Variants in DIAPH2 observed in about 807,000 individuals in gnomAD.
DIAPH2 encodes the protein diaphanous related formin 2, also known as protein diaphanous homolog 2.
A neutral mutation model predicts 92.7 loss-of-function variants in DIAPH2; 35 were observed. That is an observed-to-expected ratio of 0.38 (90% CI 0.29 to 0.50). DIAPH2 has a LOEUF of 0.50. DIAPH2 is among the 20% of genes least tolerant of loss of function. The pLI is 0.94. For missense variants in DIAPH2, 701 were observed against 819.5 expected, an observed-to-expected ratio of 0.86 and a Z score of 1.77; for synonymous variants, 301 against 280.4, an observed-to-expected ratio of 1.07 and a Z score of -0.73.
At chrX:97,542,559 G>C (rs754441452) in intron 26 of DIAPH2, among the ~76,000 whole-genome samples, 1 of 112,158 alleles carries the variant, frequency 8.9e-6, no homozygotes, top group Non-Finnish European at 1.9e-5. Context: ...GCTCAGAAAA[G>C]GTAATTCACT....
At chrX:96,811,916 G>C (rs190280005) in intron 4 of DIAPH2, among the ~76,000 whole-genome samples, 1 of 111,752 alleles carries the variant, frequency 8.9e-6, no homozygotes, top group Non-Finnish European at 1.9e-5. Flanking sequence ...GCTGGATTCG[G>C]TTTGCCAGTA....
At chrX:97,345,925 G>A (rs1305080521) in intron 23 of DIAPH2, among the ~76,000 whole-genome samples, 1 of 111,234 alleles carries the variant, frequency 9.0e-6, no homozygotes, top group Non-Finnish European at 1.9e-5. Flanking sequence ...TTTCTAAGTT[G>A]TAAAAAAGGG....
intron 14 of DIAPH2, among the ~76,000 whole-genome samples, chrX:96,947,312 T>C (rs1307809928): frequency 9.0e-6 from 1 of 111,414 alleles, no homozygotes; most frequent in South Asian, 3.8e-4. Flanking sequence ...TAGAAGCACA[T>C]AGGAGAAGCT....
intron 26 of DIAPH2, among the ~76,000 whole-genome samples, chrX:97,527,739 G>A (rs2071033614): frequency 8.9e-6 from 1 of 112,098 alleles, no homozygotes. Flanking sequence ...GGTGCTTGAG[G>A]AAAAACAGGT....
At chrX:97,247,431 C>T (rs1406420683) in intron 22 of DIAPH2, among the ~76,000 whole-genome samples, 1 of 110,962 alleles carries the variant, frequency 9.0e-6, no homozygotes, top group African/African-American at 3.3e-5. Context: ...TTAGGAATTC[C>T]GTCAATAAAT....
chrX:97,389,632 G>A (rs138118964), intron 25 of DIAPH2, among the ~76,000 whole-genome samples: 226 of 111,128 alleles, frequency 2.0e-3, no homozygotes, highest in African/African-American at 7.3e-3. Flanking sequence ...TATTTTGATT[G>A]TGTCTAGTTG....
intron 26 of DIAPH2, among the ~76,000 whole-genome samples, chrX:97,537,545 T>C (rs2071105883): frequency 8.9e-6 from 1 of 111,784 alleles, no homozygotes; most frequent in South Asian, 3.8e-4. Context: ...TTCTTTGAGT[T>C]TGGGGTTGGC....
intron 22 of DIAPH2, among the ~76,000 whole-genome samples, chrX:97,187,369 G>T (rs1401043814): frequency 2.2e-5 from 2 of 89,533 alleles, no homozygotes; most frequent in African/African-American, 8.4e-5. Flanking sequence ...TCTGTCTCCC[G>T]GGTTCAAGTG....
chrX:97,006,886 T>G (rs894613536), intron 17 of DIAPH2, among the ~76,000 whole-genome samples: 2 of 111,080 alleles, frequency 1.8e-5, no homozygotes, highest in African/African-American at 6.5e-5. Context: ...AGAAGATGAT[T>G]GTCTCTGGTG....
chrX:97,570,224 C>CAT (rs1265662297), intron 26 of DIAPH2, among the ~76,000 whole-genome samples: 1 of 97,039 alleles, frequency 1.0e-5, no homozygotes, highest in Non-Finnish European at 2.1e-5. Flanking sequence ...CACACACACA[C>CAT]ATATATATAT....
chrX:96,887,585 T>C (rs185646606), intron 5 of DIAPH2, among the ~76,000 whole-genome samples: 1 of 111,836 alleles, frequency 8.9e-6, no homozygotes, highest in Admixed American at 9.5e-5. Context: ...TTTGAAAGTG[T>C]TTTCAAGGCC....
At chrX:96,818,644 G>A (rs942331204) in intron 4 of DIAPH2, among the ~76,000 whole-genome samples, 18 of 112,132 alleles carry the variant, frequency 1.6e-4, no homozygotes, top group Non-Finnish European at 3.0e-4. Flanking sequence ...TATTTTTATT[G>A]GACATATCCA....
At chrX:97,462,324 A>G (rs1389455580) in intron 26 of DIAPH2, among the ~76,000 whole-genome samples, 1 of 112,347 alleles carries the variant, frequency 8.9e-6, no homozygotes, top group East Asian at 2.8e-4. Flanking sequence ...AGTTCATATG[A>G]ATTAATTAAC....
chrX:97,461,555 C>G (rs968685192), intron 26 of DIAPH2, among the ~76,000 whole-genome samples: 1 of 111,325 alleles, frequency 9.0e-6, no homozygotes, highest in South Asian at 3.7e-4. Flanking sequence ...TATTGACAAG[C>G]CTGAAGAAAG....
intron 21 of DIAPH2, among the ~76,000 whole-genome samples, chrX:97,139,576 T>C (rs2067196253): frequency 9.1e-6 from 1 of 110,223 alleles, no homozygotes; most frequent in Admixed American, 9.8e-5. Context: ...AAGGGAATAT[T>C]ATGATTCTAA....
chrX:97,526,372 G>T (rs1191192700), intron 26 of DIAPH2, among the ~76,000 whole-genome samples: 1 of 109,631 alleles, frequency 9.1e-6, no homozygotes, highest in African/African-American at 3.3e-5. Context: ...AAATGCCACT[G>T]CTCTTGAAGT....
intron 17 of DIAPH2, among the ~76,000 whole-genome samples, chrX:96,981,396 T>G (rs1569271033): frequency 9.0e-6 from 1 of 111,679 alleles, no homozygotes; most frequent in East Asian, 2.8e-4. Context: ...TTTCTTTTTG[T>G]CTGTTTAAAA....
chrX:96,759,625 A>T (rs374209641), intron 4 of DIAPH2, among the ~76,000 whole-genome samples: 2 of 111,900 alleles, frequency 1.8e-5, no homozygotes, highest in East Asian at 2.8e-4. Flanking sequence ...CTAAAGGCTG[A>T]TACACTAGTA....
chrX:97,317,944 G>C (rs747458356), intron 23 of DIAPH2, among the ~76,000 whole-genome samples: 1 of 111,748 alleles, frequency 8.9e-6, no homozygotes, highest in South Asian at 3.8e-4. Flanking sequence ...CATCACCTGT[G>C]CATTTATCAT....
Sources: gnomAD v4.1 joint callset for allele counts (sites outside exome capture counted in the v4.1 genomes callset) on GRCh38, gnomAD v4.1.1 for gene constraint, MANE v1.5 for transcripts, NCBI Gene and HGNC (gene_info 2026-07-23, HGNC 2026-07-21) for gene names.